ARMH3: variants seen among roughly 807,000 people sequenced by gnomAD.
The protein encoded by ARMH3 is armadillo like helical domain containing 3.
A neutral mutation model predicts 99.1 loss-of-function variants in ARMH3; 60 were observed. The observed-to-expected ratio is 0.61, with a 90% CI of 0.49 to 0.75. The LOEUF (loss-of-function observed/expected upper bound fraction) is 0.75, where lower values mean the gene tolerates loss of function less well. Ranked by LOEUF, ARMH3 falls within the 30% of genes least tolerant of loss-of-function variation. The pLI, the probability that ARMH3 is intolerant of heterozygous loss-of-function variation, is 0.00. For synonymous variants in ARMH3, 285 were observed against 292.8 expected (o/e 0.97, Z 0.27); for missense variants, 679 against 843.1 (o/e 0.81, Z 2.41).
chr10:101,865,089 G>A (rs1176485497), intron 24 of ARMH3, among the ~76,000 whole-genome samples: 1 of 151,666 alleles, frequency 6.6e-6, no homozygotes, highest in Non-Finnish European at 1.5e-5. Context: ...GGTGGTGGGC[G>A]CCTGTAATCC....
At chr10:102,028,123 A>G (rs1350002790) in intron 5 of ARMH3, among the ~76,000 whole-genome samples, 21 of 152,166 alleles carry the variant, frequency 1.4e-4, no homozygotes, top group Admixed American at 1.4e-3. Flanking sequence ...GAACCCTCAT[A>G]CATTGCTAGT....
chr10:102,050,309 C>A (rs1278636253), intron 1 of ARMH3, among the ~76,000 whole-genome samples: 1 of 149,300 alleles, frequency 6.7e-6, no homozygotes, highest in Admixed American at 6.7e-5. Flanking sequence ...ATTAGCCAGG[C>A]GTGGTGGTGG....
intron 23 of ARMH3, among the ~76,000 whole-genome samples, chr10:101,937,640 A>G (rs1402728376): frequency 6.6e-6 from 1 of 152,232 alleles, no homozygotes; most frequent in Admixed American, 6.5e-5. Flanking sequence ...TCACTGGGAA[A>G]AAGTATATTT....
In ARMH3 at chr10:101,846,437, G is replaced by A. The variant is rs1002181656; in HGVS notation, c.*1091C>T. ...GTAGGCACCTTGAGGGCTCCAGAAAGCCTGTCAATGTTTATTTCATACACA... is the reference window on the plus strand; with the variant it reads ...GTAGGCACCTTGAGGGCTCCAGAAAACCTGTCAATGTTTATTTCATACACA... On this transcript the variant is annotated 3_prime_UTR_variant, in exon 26 of 26. Coordinates refer to ENST00000370033, the MANE Select transcript of ARMH3 (RefSeq NM_024541.3). The A allele has an allele frequency of 1.3e-5, 2 of 152,246 alleles. No homozygotes were observed. The highest frequency in any genetic ancestry group is 2.9e-5 in the Non-Finnish European group (2 of 68,074). The allele number at this position is 152,246 out of a possible 1,614,324, so 9.4% of individuals were successfully genotyped here.
At chr10:101,978,624 C>A (rs775687725) in intron 19 of ARMH3, among the ~76,000 whole-genome samples, 1 of 151,926 alleles carries the variant, frequency 6.6e-6, no homozygotes. Context: ...AAAGCAGAAT[C>A]CCATGTCTAC....
chr10:102,032,930 T>C lies in ARMH3; in HGVS notation c.306+96A>G, dbSNP rs566515074. The C allele has an allele frequency of 9.4e-6, 13 of 1,375,778 alleles. No individual in the cohort carries two copies. The African/African-American group carries it at 1.5e-4, about 15-fold the overall frequency. The allele number at this position is 1,375,778 out of a possible 1,614,324, so 85.2% of individuals were successfully genotyped here. ...TACAGAAATAAAAAAGAAAACCTCATACCTCAGAGCAACTCTAGGTTCCTC... is the reference window on the plus strand; with the variant it reads ...TACAGAAATAAAAAAGAAAACCTCACACCTCAGAGCAACTCTAGGTTCCTC... On this transcript the variant is annotated intron_variant, in intron 4 of 25. Transcript: ENST00000370033.
At chr10:101,909,127 C>T (rs893674409) in intron 23 of ARMH3, among the ~76,000 whole-genome samples, 1 of 151,628 alleles carries the variant, frequency 6.6e-6, no homozygotes, top group Non-Finnish European at 1.5e-5. Flanking sequence ...GAGACCAGGG[C>T]TGGGCGCAGT....
chr10:101,981,574 C>T (rs1035040593), intron 19 of ARMH3, among the ~76,000 whole-genome samples: 1 of 152,164 alleles, frequency 6.6e-6, no homozygotes, highest in African/African-American at 2.4e-5. Context: ...CATAGCACTC[C>T]GAATAATAAG....
At chr10:101,954,730 A>G (rs528847293) in intron 22 of ARMH3, among the ~76,000 whole-genome samples, 2 of 152,286 alleles carry the variant, frequency 1.3e-5, no homozygotes, top group East Asian at 1.9e-4. Flanking sequence ...TTTTTTCAGC[A>G]TAAGTTTATA....
intron 23 of ARMH3, among the ~76,000 whole-genome samples, chr10:101,906,229 T>C (rs1030086680): frequency 3.9e-5 from 6 of 152,230 alleles, no homozygotes; most frequent in African/African-American, 1.4e-4. Flanking sequence ...TCAACGTTGT[T>C]GTTTATACAT....
intron 24 of ARMH3, among the ~76,000 whole-genome samples, chr10:101,855,593 T>TG: frequency 6.6e-6 from 1 of 151,014 alleles, no homozygotes. Context: ...TCACCCAGGG[T>TG]GGGGTACAGT....
intron 23 of ARMH3, among the ~76,000 whole-genome samples, chr10:101,916,514 G>A (rs1330690036): frequency 6.6e-6 from 1 of 152,146 alleles, no homozygotes; most frequent in Non-Finnish European, 1.5e-5. Context: ...GGAAACTATG[G>A]TCAGAAGTTG....
chr10:101,993,209 T>C (rs554663273), intron 17 of ARMH3, among the ~76,000 whole-genome samples: 11 of 148,006 alleles, frequency 7.4e-5, no homozygotes, highest in African/African-American at 2.3e-4. Flanking sequence ...AGGCAGAGGT[T>C]GCAGTGAGCA....
chr10:101,865,964 T>C, intron 24 of ARMH3, among the ~76,000 whole-genome samples: 1 of 150,632 alleles, frequency 6.6e-6, no homozygotes, highest in East Asian at 2.0e-4. Flanking sequence ...CTCACGCCTG[T>C]AATCCCAGCA....
At chr10:102,048,179 C>T (rs2067603741) in intron 1 of ARMH3, among the ~76,000 whole-genome samples, 1 of 152,168 alleles carries the variant, frequency 6.6e-6, no homozygotes, top group African/African-American at 2.4e-5. Flanking sequence ...GGCGTTGAAG[C>T]AACACTCACC....
chr10:101,870,677 T>A (rs1463394953), intron 24 of ARMH3, among the ~76,000 whole-genome samples: 1 of 152,088 alleles, frequency 6.6e-6, no homozygotes, highest in Non-Finnish European at 1.5e-5. Context: ...ATAAAACCAA[T>A]CCTATACAAA....
chr10:101,993,660 T>C, intron 16 of ARMH3, 57 bp from the exon 17 acceptor site: 5 of 1,169,394 alleles, frequency 4.3e-6, no homozygotes, highest in Non-Finnish European at 6.2e-6. Flanking sequence ...GAAACTGTAA[T>C]CTATCACACT....
chr10:101,894,968 T>A (rs2067787730), intron 23 of ARMH3, among the ~76,000 whole-genome samples: 1 of 151,234 alleles, frequency 6.6e-6, no homozygotes, highest in African/African-American at 2.4e-5. Context: ...GGAAGACAGC[T>A]CTCACCAGAA....
intron 24 of ARMH3, among the ~76,000 whole-genome samples, chr10:101,875,433 T>G (rs1346379689): frequency 6.6e-6 from 1 of 152,210 alleles, no homozygotes; most frequent in East Asian, 1.9e-4. Context: ...CACAAATCTC[T>G]TAGACTACAG....
Sources: gnomAD v4.1 joint callset for allele counts (sites outside exome capture counted in the v4.1 genomes callset) on GRCh38, gnomAD v4.1.1 for gene constraint, MANE v1.5 for transcripts, NCBI Gene and HGNC (gene_info 2026-07-23, HGNC 2026-07-21) for gene names.